Variants in FAM83H observed in about 807,000 individuals in gnomAD.
FAM83H encodes the protein scaffolding CK1 anchoring protein H, also known as protein FAM83H.
In FAM83H, 24 loss-of-function variants were observed where a neutral mutation model predicts 30.2. That is an observed-to-expected ratio of 0.79 (90% CI 0.57 to 1.12). The LOEUF (loss-of-function observed/expected upper bound fraction) is 1.12, where lower values mean the gene tolerates loss of function less well. Among genes scored for constraint, FAM83H ranks in the 50% most tolerant of loss-of-function variants. The probability of loss-of-function intolerance (pLI) is 0.00; values close to 1 mark genes in which losing one functional copy is unlikely to be tolerated. For missense variants in FAM83H, 2,038 were observed against 1,773.9 expected, an observed-to-expected ratio of 1.15 and a Z score of -2.67; for synonymous variants, 1,013 against 821.7, an observed-to-expected ratio of 1.23 and a Z score of -3.98.
chr8:143,729,411 G>A, intron 2 of FAM83H, 88 bp from the exon 3 acceptor site: 1 of 1,474,852 alleles, frequency 6.8e-7, no homozygotes, highest in Non-Finnish European at 9.4e-7. Context: ...GGAGGTGTCT[G>A]GATCACCCAC....
chr8:143,729,399 C>T lies in FAM83H; in HGVS notation c.448-76G>A, dbSNP rs567824663. 2.0e-4 allele frequency: 304 copies of T among 1,526,182 alleles called. 2 individuals are homozygous for T. The highest frequency in any genetic ancestry group is 1.5e-3 in the African/African-American group (112 of 73,396). The allele number at this position is 1,526,182 out of a possible 1,614,324, so 94.5% of individuals were successfully genotyped here. A position where few individuals can be genotyped will look rare whatever the true frequency, so the allele number is the denominator to read the frequency against. On this transcript the variant is annotated intron_variant, in intron 2 of 4. Coordinates refer to ENST00000388913, the MANE Select transcript of FAM83H (RefSeq NM_198488.5). ...CATTGTCCAGCCTCCCCTCCACACC[C>T]GGGAGGTGTCTGGATCACCCACGAC...
At position 143,728,168 on chromosome 8, in the gene FAM83H, C is replaced by T. The variant is rs1227494852; in HGVS notation, c.1293G>A (p.Arg431=). 20 of 1,607,416 alleles carry T rather than the reference C, an allele frequency of 1.2e-5. No individual in the cohort carries two copies. The highest frequency in any genetic ancestry group is 1.7e-4 in the Middle Eastern group (1 of 5,968). Residue 431 remains arginine (R), a synonymous_variant, in exon 5 of 5, where the codon CGG becomes CGA. Coordinates refer to ENST00000388913, the MANE Select transcript of FAM83H (RefSeq NM_198488.5). The part of the protein sequence containing the change: ...ENFAAARQVS[R]QTFLSHGDDF... The stretch of plus-strand genomic sequence containing the variant: ...CGTCGCCGTGGCTGAGGAACGTCTG[C>T]CGCGACACCTGCCGCGCGGCCGCGA...
Position 143,724,964 on chromosome 8 carries a change from CCT to C in FAM83H, c.*955_*956del. ...CCCAGAGGCCTGCCCTGTCCAGCTT[CCT>C]TGCCACTCCAAGGGGCATCTTCTGG... On this transcript the variant is annotated 3_prime_UTR_variant, in exon 5 of 5. Coordinates refer to ENST00000388913, the MANE Select transcript of FAM83H (RefSeq NM_198488.5). 6.6e-6 allele frequency: 1 copy of C among 152,166 alleles called. No individual in the cohort carries two copies. Among genetic ancestry groups the C allele is most frequent in the Non-Finnish European group, 1.5e-5 (1 of 68,118 alleles). The allele number at this position is 152,166 out of a possible 1,614,324, so 9.4% of individuals were successfully genotyped here.
Position 143,725,602 on chromosome 8 carries a change from G to A in FAM83H, c.*319C>T, listed in dbSNP as rs373885136. The A allele has an allele frequency of 1.4e-4, 72 of 505,200 alleles. No individual in the cohort carries two copies. Among genetic ancestry groups the A allele is most frequent in the African/African-American group, 1.3e-3 (69 of 52,192 alleles). The allele number at this position is 505,200 out of a possible 1,614,324, so 31.3% of individuals were successfully genotyped here. A position where few individuals can be genotyped will look rare whatever the true frequency, so the allele number is the denominator to read the frequency against. On this transcript the variant is annotated 3_prime_UTR_variant, in exon 5 of 5. Coordinates refer to ENST00000388913, the MANE Select transcript of FAM83H (RefSeq NM_198488.5). ...TCAAAAAAATAAAGGGGGCGGGGGG[G>A]ACTGAGGCACAAAGAGATGGCGGAG...
intron 1 of FAM83H, chr8:143,732,741 C>T (rs1011951436): frequency 1.0e-6 from 1 of 985,356 alleles, no homozygotes; most frequent in African/African-American, 1.7e-5. Flanking sequence ...CAGCCACTCC[C>T]GAGCCCAAGA....
chr8:143,725,643 C>T lies in FAM83H; in HGVS notation c.*278G>A, dbSNP rs1363748553. ...GATGGCGGAGCCAGACGCTGCGCCA[C>T]GCAAGGCTGACGGTGCAGAGATGAA... On this transcript the variant is annotated 3_prime_UTR_variant, in exon 5 of 5. Coordinates refer to ENST00000388913, the MANE Select transcript of FAM83H (RefSeq NM_198488.5). The T allele has an allele frequency of 3.5e-6, 2 of 579,430 alleles. No homozygotes were observed. Among genetic ancestry groups the T allele is most frequent in the Non-Finnish European group, 6.1e-6 (2 of 326,106 alleles). The allele number at this position is 579,430 out of a possible 1,614,324, so 35.9% of individuals were successfully genotyped here. A position where few individuals can be genotyped will look rare whatever the true frequency, so the allele number is the denominator to read the frequency against.
chr8:143,727,007 C>T lies in FAM83H; in HGVS notation c.2454G>A (p.Gln818=), dbSNP rs782192124. 1.3e-6 allele frequency: 2 copies of T among 1,581,856 alleles called. No individual in the cohort carries two copies. Among genetic ancestry groups the T allele is most frequent in the Admixed American group, 1.8e-5 (1 of 56,136 alleles). Residue 818 remains glutamine (Q), a synonymous_variant, in exon 5 of 5, where the codon CAG becomes CAA. Transcript: ENST00000388913. The stretch of plus-strand genomic sequence containing the variant: ...CGCTCCGGCCCAGTGTGTCGAGCAG[C>T]TGCGCCGCGGTGAGCGACGCGGCTC... The part of the protein sequence containing the change: ...QPGAASLTAA[Q]LLDTLGRSGS...
Position 143,726,306 on chromosome 8 carries a change from T to C in FAM83H, c.3155A>G (p.Gln1052Arg). Residue 1052 changes from glutamine (Q) to arginine (R), a missense_variant, in exon 5 of 5, where the codon CAG (glutamine) becomes CGG (arginine). By Grantham distance (43) the Gln-to-Arg change is conservative (BLOSUM62 1). Coordinates refer to ENST00000388913, the MANE Select transcript of FAM83H (RefSeq NM_198488.5). ...AILEQISAHG[Q>R]KHRAVPAPSP... ...CGGGGCAGGGACCGCACGGTGCTTC[T>C]GGCCGTGGGCACTGATCTGCTCCAG... is the stretch of plus-strand genomic sequence containing the variant. 6.2e-7 allele frequency: 1 copy of C among 1,612,192 alleles called. No individual in the cohort carries two copies. The highest frequency in any genetic ancestry group is 1.3e-5 in the African/African-American group (1 of 75,046).
chr8:143,727,131 C>G lies in FAM83H; in HGVS notation c.2330G>C (p.Gly777Ala). The G allele has an allele frequency of 6.5e-7, 1 of 1,534,458 alleles. No individual in the cohort carries two copies. The highest frequency in any genetic ancestry group is 8.7e-7 in the Non-Finnish European group (1 of 1,146,260). The change falls in exon 5 of 5, where the codon GGT (glycine) becomes GCT (alanine). Residue 777 changes from glycine to alanine, a missense_variant. Physicochemically the swap from Gly to Ala is moderately conservative, Grantham distance 60. Transcript: ENST00000388913. The part of the protein sequence containing the change: ...QAWREEVAAP[G>A]AVGGERRSLE... ...GCTGCGGCGCTCGCCCCCCACGGCA[C>G]CTGGGGCCGCCACCTCTTCCCGCCA...
At chr8:143,728,872 G>A (rs1818410455) in intron 4 of FAM83H, 95 bp downstream of exon 4, 2 of 1,603,774 alleles carry the variant, frequency 1.2e-6, no homozygotes, top group East Asian at 2.2e-5. Context: ...ACAGGACAAG[G>A]GCTCCTGGCG....
rs376361154 is a variant in FAM83H, at chr8:143,729,083, G to C, written c.621C>G (p.Arg207=). The change falls in exon 4 of 5, where the codon CGC becomes CGG. Residue 207 remains arginine (R), a synonymous_variant. Transcript: ENST00000388913. ...AGGTGGGGCCCGCCACAGTCCGTACGCGCAGGAACTGGGGAGGGAGGGGAG... is the reference window on the plus strand; with the variant it reads ...AGGTGGGGCCCGCCACAGTCCGTACCCGCAGGAACTGGGGAGGGAGGGGAG... ...RVNLQHVDFL[R]VRTVAGPTYY... 4.2e-5 allele frequency: 67 copies of C among 1,613,538 alleles called. No individual in the cohort carries two copies. Among genetic ancestry groups the C allele is most frequent in the Non-Finnish European group, 5.4e-5 (64 of 1,180,012 alleles).
At position 143,728,277 on chromosome 8, in the gene FAM83H, C is replaced by A. The variant is rs1445274072; in HGVS notation, c.1184G>T (p.Gly395Val). The stretch of plus-strand genomic sequence containing the variant: ...CTCCAGGTGCCGCGCCTGGAAGAAG[C>A]CCCGCGCGCCCGCGAGCTCCCCAGC... ...GPAGELAGAR[G>V]FFQARHLEMD... Residue 395 changes from glycine to valine, a missense_variant, in exon 5 of 5, where the codon GGC becomes GTC. Coordinates refer to ENST00000388913, the MANE Select transcript of FAM83H (RefSeq NM_198488.5). 9.2e-6 allele frequency: 14 copies of A among 1,517,316 alleles called. No homozygotes were observed. The highest frequency in any genetic ancestry group is 1.1e-5 in the Non-Finnish European group (13 of 1,136,254). 94.0% of individuals were successfully genotyped at this position (1,517,316 alleles called of 1,614,324 possible).
chr8:143,725,602 G>T lies in FAM83H; in HGVS notation c.*319C>A, dbSNP rs373885136. On this transcript the variant is annotated 3_prime_UTR_variant, in exon 5 of 5. Coordinates refer to ENST00000388913, the MANE Select transcript of FAM83H (RefSeq NM_198488.5). The stretch of plus-strand genomic sequence containing the variant: ...TCAAAAAAATAAAGGGGGCGGGGGG[G>T]ACTGAGGCACAAAGAGATGGCGGAG... 2.6e-5 allele frequency: 13 copies of T among 505,084 alleles called. No individual in the cohort carries two copies. Among genetic ancestry groups the T allele is most frequent in the Non-Finnish European group, 3.6e-5 (10 of 280,142 alleles). The allele number at this position is 505,084 out of a possible 1,614,324, so 31.3% of individuals were successfully genotyped here.
Position 143,728,723 on chromosome 8 carries a change from G to A in FAM83H, c.738C>T (p.Ser246=). 1 of 1,599,102 alleles carries A rather than the reference G, an allele frequency of 6.3e-7. No homozygotes were observed. The highest frequency in any genetic ancestry group is 8.5e-7 in the Non-Finnish European group (1 of 1,179,856). The change falls in exon 5 of 5, where the codon AGC becomes AGT. Residue 246 remains serine (S), a splice_region_variant and synonymous_variant. Coordinates refer to ENST00000388913, the MANE Select transcript of FAM83H (RefSeq NM_198488.5). The part of the protein sequence containing the change: ...DCAVVMSGSY[S]FMWSFEKIHR... Reference sequence around the variant, plus strand: ...GGATCTTCTCAAAGGACCACATGAAGCTGTGGGGGGGTCAGGGCCAGAGTC... The same window carrying A: ...GGATCTTCTCAAAGGACCACATGAAACTGTGGGGGGGTCAGGGCCAGAGTC...
Position 143,728,207 on chromosome 8 carries a change from G to A in FAM83H, c.1254C>T (p.Gly418=), listed in dbSNP as rs782802376. 8.1e-6 allele frequency: 13 copies of A among 1,600,454 alleles called. No individual in the cohort carries two copies. Among genetic ancestry groups the A allele is most frequent in the Admixed American group, 1.7e-5 (1 of 59,102 alleles). Residue 418 remains glycine, a synonymous_variant, in exon 5 of 5, where the codon GGC becomes GGT. Transcript: ENST00000388913. ...KRHSFATEGA[G]AVENFAAARQ... ...GCGCGGCCGCGAAGTTCTCCACGGCGCCCGCGCCCTCGGTCGCGAAGCTGT... is the reference window on the plus strand; with the variant it reads ...GCGCGGCCGCGAAGTTCTCCACGGCACCCGCGCCCTCGGTCGCGAAGCTGT...
At chr8:143,728,840 C>T (rs368720728) in intron 4 of FAM83H, 117 bp from the exon 5 acceptor site, 2 of 1,596,636 alleles carry the variant, frequency 1.3e-6, no homozygotes, top group Non-Finnish European at 8.5e-7. Flanking sequence ...GACCTGGGCC[C>T]GGCTAGGCTG....
Position 143,726,895 on chromosome 8 carries a change from C to CTTCCAGCGGCAGAGGGCT in FAM83H, c.2548_2565dup (p.Ser850_Glu855dup). On this transcript the variant is annotated inframe_insertion, in exon 5 of 5. Coordinates refer to ENST00000388913, the MANE Select transcript of FAM83H (RefSeq NM_198488.5). ...TGGAGCACCTGGTGCGCTCCGGACC[C>CTTCCAGCGGCAGAGGGCT]TTCCAGCGGCAGAGGGCTGTCCAGC... The CTTCCAGCGGCAGAGGGCT allele has an allele frequency of 6.2e-6, 10 of 1,612,712 alleles. No homozygotes were observed. Among genetic ancestry groups the CTTCCAGCGGCAGAGGGCT allele is most frequent in the Non-Finnish European group, 8.5e-6 (10 of 1,179,864 alleles).
chr8:143,732,523 C>A, intron 1 of FAM83H: 1 of 985,382 alleles, frequency 1.0e-6, no homozygotes, highest in Non-Finnish European at 1.2e-6. Context: ...GAAAGGACCC[C>A]CACTGTCCCT....
intron 1 of FAM83H, among the ~76,000 whole-genome samples, chr8:143,730,996 G>A (rs368591977): frequency 1.6e-3 from 245 of 152,214 alleles, no homozygotes; most frequent in African/African-American, 3.7e-3. Flanking sequence ...TTGGGAAGCT[G>A]AGACAGAAGG....
Sources: allele counts gnomAD v4.1 joint callset (sites outside exome capture counted in the v4.1 genomes callset), GRCh38; gene constraint gnomAD v4.1.1; transcripts MANE v1.5; gene names NCBI Gene and HGNC (gene_info 2026-07-23, HGNC 2026-07-21).